The following DNAH7 variants were observed in gnomAD, a reference collection of about 807,000 sequenced individuals.
DNAH7 encodes axonemal beta dynein heavy chain 7.
Under a neutral mutation model 444.6 loss-of-function variants are expected in DNAH7, and 397 were observed. The ratio of observed to expected loss-of-function variants is 0.89; its 90% CI spans 0.82 to 0.97. DNAH7 has a LOEUF of 0.97. Ranked by LOEUF, DNAH7 falls within the 50% of genes least tolerant of loss-of-function variation. DNAH7 has a pLI of 0.00. For synonymous variants in DNAH7, 1,636 were observed against 1,624.4 expected (o/e 1.01, Z -0.17); for missense variants, 4,902 against 4,800.8 (o/e 1.02, Z -0.62).
rs116642241 is a variant in DNAH7 at position 196,024,153 on chromosome 2, T to C, written c.743+276A>G. On this transcript the variant is annotated intron_variant, in intron 8 of 64. Transcript: ENST00000312428. ...ACAGAGACACAAAGTGAGCACACAC[T>C]GTTAGAAAAATGATGCCAACAGACT... Among the ~76,000 whole-genome samples, 2,365 of 151,928 alleles carry C rather than the reference T, an allele frequency of 0.016. 51 individuals carry two copies. The highest frequency in any genetic ancestry group is 0.053 in the African/African-American group (2,215 of 41,470).
chr2:195,957,132 G>A (rs1690721242), intron 19 of DNAH7, 129 bp downstream of exon 19: 1 of 780,146 alleles, frequency 1.3e-6, no homozygotes, highest in Non-Finnish European at 1.8e-6. Context: ...AATAATAGCT[G>A]AAAAGACAAT....
At chr2:195,830,652 A>G (rs546450123) in intron 48 of DNAH7, among the ~76,000 whole-genome samples, 1 of 152,334 alleles carries the variant, frequency 6.6e-6, no homozygotes, top group South Asian at 2.1e-4. Context: ...TCACAGAAAA[A>G]GAGGTATTTG....
chr2:195,764,647 A>G (rs1047215087), intron 61 of DNAH7, among the ~76,000 whole-genome samples: 2 of 152,128 alleles, frequency 1.3e-5, no homozygotes, highest in African/African-American at 4.8e-5. Context: ...CAATAGCTAC[A>G]AAAAGATAAA....
chr2:195,787,225 T>C, intron 57 of DNAH7, 54 bp from the exon 58 acceptor site: 9 of 1,508,438 alleles, frequency 6.0e-6, no homozygotes, highest in Non-Finnish European at 7.1e-6. Context: ...TATTGCATTA[T>C]ATTTACCATA....
intron 2 of DNAH7, among the ~76,000 whole-genome samples, chr2:196,053,705 G>A (rs1464369432): frequency 6.6e-6 from 1 of 152,144 alleles, no homozygotes; most frequent in Non-Finnish European, 1.5e-5. Flanking sequence ...ACATTTTAAA[G>A]CCCCCTGTTG....
chr2:195,861,761 G>T lies in DNAH7; in HGVS notation c.7692C>A (p.Leu2564=). 1 of 1,613,156 alleles carries T rather than the reference G, an allele frequency of 6.2e-7. No homozygotes were observed. Among genetic ancestry groups the T allele is most frequent in the South Asian group, 1.1e-5 (1 of 91,010 alleles). The change falls in exon 42 of 65, where the codon CTC becomes CTA. Residue 2564 remains leucine, a synonymous_variant. Transcript: ENST00000312428. Reference sequence around the variant, plus strand: ...ACAGTTTGAAGGTGGAGATTAATTCGAGGTAAGAGGTAGGAGTCACATAAT... The same window carrying T: ...ACAGTTTGAAGGTGGAGATTAATTCTAGGTAAGAGGTAGGAGTCACATAAT... ...RYNYVTPTSY[L]ELISTFKLLL...
chr2:195,963,134 C>T (rs181203202), intron 17 of DNAH7, among the ~76,000 whole-genome samples: 13 of 152,254 alleles, frequency 8.5e-5, no homozygotes, highest in East Asian at 1.9e-4. Context: ...ATACCAGCAG[C>T]GGGACTGCTG....
At chr2:195,957,028 G>A (rs527629952) in intron 19 of DNAH7, among the ~76,000 whole-genome samples, 1 of 152,178 alleles carries the variant, frequency 6.6e-6, no homozygotes, top group Non-Finnish European at 1.5e-5. Flanking sequence ...ACCAAAGGTT[G>A]TTAAACAATG....
chr2:195,846,947 A>ATG (rs1315064692), intron 46 of DNAH7, among the ~76,000 whole-genome samples: 5 of 108,888 alleles, frequency 4.6e-5, no homozygotes, highest in East Asian at 2.2e-4. Context: ...AAACTCCCAT[A>ATG]TATGTGTGTG....
Position 195,984,708 on chromosome 2 carries a change from A to G in DNAH7, c.1757T>C (p.Leu586Ser). The G allele has an allele frequency of 6.2e-7, 1 of 1,613,764 alleles. No individual in the cohort carries two copies. The highest frequency in any genetic ancestry group is 2.2e-5 in the East Asian group (1 of 44,848). ...AGCTATCCTCTCAAATTCATCGCAT[A>G]ATCTGAAACACCAAGTAAAACCAAT... ...FRDHQEVNTR[L>S]CDEFERIAEK... The change falls in exon 15 of 65, where the codon TTA becomes TCA. Residue 586 changes from leucine (L) to serine (S), a missense_variant and splice_region_variant. By Grantham distance (145) the Leu-to-Ser change is moderately radical. Coordinates refer to ENST00000312428, the MANE Select transcript of DNAH7 (RefSeq NM_018897.3).
At chr2:196,047,100 A>G (rs930616564) in intron 5 of DNAH7, among the ~76,000 whole-genome samples, 1 of 152,198 alleles carries the variant, frequency 6.6e-6, no homozygotes, top group Non-Finnish European at 1.5e-5. Context: ...CCATGGCTAT[A>G]ATAAGAACTC....
intron 46 of DNAH7, among the ~76,000 whole-genome samples, chr2:195,850,209 C>T (rs1267983553): frequency 2.0e-5 from 3 of 151,370 alleles, no homozygotes; most frequent in African/African-American, 7.3e-5. Context: ...GAACAAGCAT[C>T]TCAAAATTCA....
chr2:195,992,199 C>A (rs1693385973), intron 12 of DNAH7, among the ~76,000 whole-genome samples: 1 of 152,118 alleles, frequency 6.6e-6, no homozygotes, highest in African/African-American at 2.4e-5. Context: ...GTTTCCCATA[C>A]AGGAAAAAAA....
At chr2:195,845,517 TA>T (rs1161401818) in intron 46 of DNAH7, among the ~76,000 whole-genome samples, 1 of 152,182 alleles carries the variant, frequency 6.6e-6, no homozygotes, top group African/African-American at 2.4e-5. Context: ...AAAAGTATTC[TA>T]AAATTCATAT....
In DNAH7 at chr2:195,922,152, C is replaced by G; in HGVS notation, c.3871G>C (p.Gly1291Arg). The G allele has an allele frequency of 6.2e-7, 1 of 1,613,336 alleles. No individual in the cohort carries two copies. Among genetic ancestry groups the G allele is most frequent in the Middle Eastern group, 1.7e-4 (1 of 6,056 alleles). ...TKMINAGLRY[G>R]YEYLGNSPRL... Reference sequence around the variant, plus strand: ...GGGGAATTACCCAGATATTCATATCCATATCGCAAACCAGCATTGATCATT... The same window carrying G: ...GGGGAATTACCCAGATATTCATATCGATATCGCAAACCAGCATTGATCATT... Residue 1291 changes from glycine (G) to arginine (R), a missense_variant, in exon 24 of 65, where the codon GGA becomes CGA. Transcript: ENST00000312428.
chr2:195,768,727 T>C (rs913551302), intron 61 of DNAH7, among the ~76,000 whole-genome samples: 12 of 152,184 alleles, frequency 7.9e-5, no homozygotes, highest in African/African-American at 2.9e-4. Context: ...CTGGGTAAAT[T>C]AAAATTGAGT....
Position 195,936,606 on chromosome 2 carries a change from G to A in DNAH7, c.3265C>T (p.Pro1089Ser), listed in dbSNP as rs989543810. 3.8e-6 allele frequency: 6 copies of A among 1,582,958 alleles called. No individual in the cohort carries two copies. Among genetic ancestry groups the A allele is most frequent in the Non-Finnish European group, 5.1e-6 (6 of 1,170,816 alleles). The change falls in exon 20 of 65, where the codon CCC becomes TCC. Residue 1089 changes from proline (P) to serine (S), a missense_variant. Transcript: ENST00000312428. Reference protein sequence around the residue: ...LLEILSETKDPTRVQPHLKKC... With the variant: ...LLEILSETKDSTRVQPHLKKC... ...TACATGTAAATTACTTACCTAGTGG[G>A]ATCTTTAGTCTCAGATAGTATCTCA...
At chr2:195,880,349 G>A (rs1409629617) in intron 36 of DNAH7, among the ~76,000 whole-genome samples, 3 of 130,900 alleles carry the variant, frequency 2.3e-5, no homozygotes, top group Non-Finnish European at 4.8e-5. Flanking sequence ...TTTTTTTTGA[G>A]ACGGAGTCTC....
At chr2:195,997,863 T>C (rs1208934697) in intron 12 of DNAH7, among the ~76,000 whole-genome samples, 2 of 152,164 alleles carry the variant, frequency 1.3e-5, no homozygotes, top group African/African-American at 4.8e-5. Context: ...AGTACTGATT[T>C]CTGAGTACTG....
Sources: allele counts gnomAD v4.1 joint callset (sites outside exome capture counted in the v4.1 genomes callset), GRCh38; gene constraint gnomAD v4.1.1; transcripts MANE v1.5; gene names NCBI Gene and HGNC (gene_info 2026-07-23, HGNC 2026-07-21).